The following TRIP13 variants were observed in gnomAD, a reference collection of about 807,000 sequenced individuals.
TRIP13 encodes the protein pachytene checkpoint protein 2 homolog.
Under a neutral mutation model 54.4 loss-of-function variants are expected in TRIP13, and 25 were observed. The ratio of observed to expected loss-of-function variants is 0.46; its 90% CI spans 0.33 to 0.64. The LOEUF is 0.64. Among genes scored for constraint, TRIP13 ranks in the 30% least tolerant of loss-of-function variants. The pLI is 0.02. For synonymous variants in TRIP13, 207 were observed against 207.8 expected, an observed-to-expected ratio of 1.00 and a Z score of 0.03; for missense variants, 373 against 534.2, an observed-to-expected ratio of 0.70 and a Z score of 2.97.
rs555171888 is a variant in TRIP13, at chr5:896,644, T to C, written c.259-21T>C. ...TGAGAGTTGGAAATGTGTGTCGATA[T>C]TGGCTTTTCCCTCATTTTAGCCCAT... On this transcript the variant is annotated intron_variant, in intron 2 of 12. Transcript: ENST00000166345. 3.3e-5 allele frequency: 52 copies of C among 1,598,036 alleles called. No homozygotes were observed. In the Admixed American group the frequency reaches 7.8e-4, roughly 24 times the overall value.
In TRIP13 at chr5:908,101, A is replaced by G. The variant is rs779844672; in HGVS notation, c.759+27A>G. 2 of 1,612,360 alleles carry G rather than the reference A, an allele frequency of 1.2e-6. No individual in the cohort carries two copies. Among genetic ancestry groups the G allele is most frequent in the Non-Finnish European group, 1.7e-6 (2 of 1,178,322 alleles). On this transcript the variant is annotated intron_variant, in intron 8 of 12. Transcript: ENST00000166345. The surrounding 1 kb of genome is among the most constrained non-coding windows in gnomAD (Gnocchi z 5.2). ...TAGGCATTTCCAGATAAGGAAATTC[A>G]TGACAGAATCGCCTTTTGCCATTGT...
At chr5:918,856 AGCT>A (rs1754381289), downstream of TRIP13, among the ~76,000 whole-genome samples, 1 of 152,124 alleles carries the variant, frequency 6.6e-6, no homozygotes, top group African/African-American at 2.4e-5. This position sits in a 1 kb window ranked among gnomAD's most constrained non-coding sequence, Gnocchi z 4.3. Context: ...CCTCACTGGC[AGCT>A]GATTAGATGG....
intron 6 of TRIP13, 60 bp downstream of exon 6, chr5:904,280 GTTT>G: frequency 2.7e-6 from 3 of 1,128,884 alleles, no homozygotes; most frequent in Non-Finnish European, 3.7e-6. Context: ...ACGGGAGGTT[GTTT>G]TTTTTTTTTT....
intron 2 of TRIP13, among the ~76,000 whole-genome samples, chr5:895,962 G>A (rs933212876): frequency 2.0e-5 from 3 of 152,194 alleles, no homozygotes; most frequent in Non-Finnish European, 4.4e-5. Context: ...GAATGAAATA[G>A]ATTTCTATCT....
intron 3 of TRIP13, among the ~76,000 whole-genome samples, chr5:897,072 G>A (rs544081160): frequency 3.9e-5 from 6 of 152,350 alleles, no homozygotes; most frequent in Admixed American, 3.3e-4. Context: ...GTCCTGCTGA[G>A]TGGCTCCTTG....
chr5:903,359 T>C (rs1356801890), intron 5 of TRIP13, among the ~76,000 whole-genome samples: 1 of 152,126 alleles, frequency 6.6e-6, no homozygotes. Flanking sequence ...AGCTCCTATC[T>C]CTGTATGGCC....
Position 912,116 on chromosome 5 carries a change from CCTT to C in TRIP13, c.1020+124_1020+126del. 7.8e-7 allele frequency: 1 copy of C among 1,276,822 alleles called. No individual in the cohort carries two copies. The highest frequency in any genetic ancestry group is 1.5e-5 in the South Asian group (1 of 66,338). The allele number at this position is 1,276,822 out of a possible 1,614,324, so 79.1% of individuals were successfully genotyped here. A position where few individuals can be genotyped will look rare whatever the true frequency, so the allele number is the denominator to read the frequency against. On this transcript the variant is annotated intron_variant, in intron 10 of 12. Transcript: ENST00000166345. The surrounding 1 kb of genome is among the most constrained non-coding windows in gnomAD (Gnocchi z 7.2). ...AGGATTTCAACATATGCATTAACTC[CCTT>C]CTTAAATTGAAAACTAGTTTTGTAT...
intron 3 of TRIP13, among the ~76,000 whole-genome samples, chr5:897,161 G>C (rs1470412590): frequency 2.0e-5 from 3 of 151,132 alleles, no homozygotes; most frequent in African/African-American, 7.3e-5. Context: ...TCAGTGTGTG[G>C]GGAAACAGGT....
chr5:896,921 C>G, intron 3 of TRIP13, 127 bp downstream of exon 3: 2 of 1,144,386 alleles, frequency 1.7e-6, no homozygotes, highest in Non-Finnish European at 1.2e-6. Context: ...TGTTTTCTCT[C>G]TTATGAAATG....
At chr5:910,402 T>G (rs1305337643) in intron 9 of TRIP13, among the ~76,000 whole-genome samples, 1 of 152,108 alleles carries the variant, frequency 6.6e-6, no homozygotes, top group African/African-American at 2.4e-5. Flanking sequence ...CAGGGTTCTG[T>G]GGGGGGAATC....
At chr5:905,004 C>T (rs1046793490) in intron 6 of TRIP13, among the ~76,000 whole-genome samples, 2 of 152,146 alleles carry the variant, frequency 1.3e-5, no homozygotes, top group African/African-American at 4.8e-5. Context: ...GCTTTGTTAG[C>T]ATGTTAGGTA....
chr5:894,593 T>G (rs1218214935), intron 1 of TRIP13, among the ~76,000 whole-genome samples, 194 bp from the exon 2 acceptor site: 1 of 152,220 alleles, frequency 6.6e-6, no homozygotes, highest in Non-Finnish European at 1.5e-5. Flanking sequence ...AGGCACAGCT[T>G]CTTCAGGGCA....
chr5:917,093 C>G lies in TRIP13; in HGVS notation c.1289C>G (p.Ala430Gly), dbSNP rs1265064134. 1 of 1,614,022 alleles carries G rather than the reference C, an allele frequency of 6.2e-7. No homozygotes were observed. The highest frequency in any genetic ancestry group is 8.5e-7 in the Non-Finnish European group (1 of 1,179,978). Residue 430 changes from alanine to glycine, a missense_variant, in exon 13 of 13, where the codon GCT becomes GGT. By Grantham distance (60) the Ala-to-Gly change is moderately conservative (BLOSUM62 0). Around this residue, in one of 4 missense-constraint regions of TRIP13, gnomAD observed 101 missense variants for 138.5 expected, o/e 0.73. Coordinates refer to ENST00000166345, the MANE Select transcript of TRIP13 (RefSeq NM_004237.4). Reference protein sequence around the residue: ...KQFEERKKLAAYI With the variant: ...KQFEERKKLAGYI The stretch of plus-strand genomic sequence containing the variant: ...TTTGAAGAGAGAAAGAAGCTTGCAG[C>G]TTACATCTGATCCTGGGCTTCCCCA...
At position 913,152 on chromosome 5, in the gene TRIP13, C is replaced by T. The variant is rs1191566901; in HGVS notation, c.1020+1156C>T. ...GAAGACTGATTCTACAGCAGTTTTG[C>T]TGCCAAGGAGCCCCACGTGATAGCA... On this transcript the variant is annotated intron_variant, in intron 10 of 12. Coordinates refer to ENST00000166345, the MANE Select transcript of TRIP13 (RefSeq NM_004237.4). The surrounding 1 kb of genome is among the most constrained non-coding windows in gnomAD (Gnocchi z 4.5). Among the ~76,000 whole-genome samples, 1 of 152,188 alleles carries T rather than the reference C, an allele frequency of 6.6e-6. No individual in the cohort carries two copies. Among genetic ancestry groups the T allele is most frequent in the Non-Finnish European group, 1.5e-5 (1 of 68,038 alleles).
At chr5:914,010 A>T (rs1337565190) in intron 10 of TRIP13, among the ~76,000 whole-genome samples, 3 of 152,130 alleles carry the variant, frequency 2.0e-5, no homozygotes, top group African/African-American at 7.2e-5. Flanking sequence ...CATGCTGCCA[A>T]ACAAGCCTCA....
intron 6 of TRIP13, among the ~76,000 whole-genome samples, chr5:904,976 TA>T (rs1347369169): frequency 2.0e-5 from 3 of 152,226 alleles, no homozygotes; most frequent in South Asian, 2.1e-4. Context: ...TTCTTCTGGT[TA>T]GGGGTCACAT....
chr5:908,170 C>A lies in TRIP13; in HGVS notation c.759+96C>A. ...TGATGCTCCTAGCTTTCCCCTCCTA[C>A]AGCCGGGCTGCCCTCTATCCCTCCC... On this transcript the variant is annotated intron_variant, in intron 8 of 12. Transcript: ENST00000166345. The surrounding 1 kb of genome is among the most constrained non-coding windows in gnomAD (Gnocchi z 5.2). 2 of 1,482,214 alleles carry A rather than the reference C, an allele frequency of 1.3e-6. No individual in the cohort carries two copies. The highest frequency in any genetic ancestry group is 1.9e-6 in the Non-Finnish European group (2 of 1,063,994). 91.8% of individuals were successfully genotyped at this position (1,482,214 alleles called of 1,614,324 possible).
In TRIP13 at chr5:913,466, G is replaced by A. The variant is rs543102195; in HGVS notation, c.1021-999G>A. Among the ~76,000 whole-genome samples the A allele has an allele frequency of 3.8e-4, 58 of 152,180 alleles. No homozygotes were observed. Among genetic ancestry groups the A allele is most frequent in the African/African-American group, 1.3e-3 (52 of 41,516 alleles). The stretch of plus-strand genomic sequence containing the variant: ...CGCCTCCTGGGTTCAAGCGATTCTC[G>A]TGCCTCAGCTTCGTGAGTAGCTGGG... On this transcript the variant is annotated intron_variant, in intron 10 of 12. Transcript: ENST00000166345. The surrounding 1 kb of genome is among the most constrained non-coding windows in gnomAD (Gnocchi z 4.5).
chr5:904,139 T>C lies in TRIP13; in HGVS notation c.536-9T>C. 6.3e-7 allele frequency: 1 copy of C among 1,599,402 alleles called. No homozygotes were observed. The highest frequency in any genetic ancestry group is 8.5e-7 in the Non-Finnish European group (1 of 1,176,258). ...CTTAAAAATATATTTGCTTGGATCT[T>C]TGTCACAGGTCCTCCTGGCACTGGA... On this transcript the variant is annotated splice_polypyrimidine_tract_variant and intron_variant, in intron 5 of 12. Coordinates refer to ENST00000166345, the MANE Select transcript of TRIP13 (RefSeq NM_004237.4).
Sources: allele counts gnomAD v4.1 joint callset (sites outside exome capture counted in the v4.1 genomes callset), GRCh38; gene constraint gnomAD v4.1.1; regional missense constraint gnomAD v4.1.1; non-coding constraint Gnocchi (gnomAD v3.1); transcripts MANE v1.5; gene names NCBI Gene and HGNC (gene_info 2026-07-23, HGNC 2026-07-21).